The following GRID2 variants were observed in gnomAD, a reference collection of about 807,000 sequenced individuals.
GRID2 encodes the protein glutamate receptor ionotropic, delta-2.
In GRID2, 33 loss-of-function variants were observed where a neutral mutation model predicts 114.8. The observed-to-expected ratio is 0.29, with a 90% CI of 0.22 to 0.38. The LOEUF (loss-of-function observed/expected upper bound fraction) is 0.38, where lower values mean the gene tolerates loss of function less well. Among genes scored for constraint, GRID2 ranks in the 10% least tolerant of loss-of-function variants. The pLI, the probability that GRID2 is intolerant of heterozygous loss-of-function variation, is 1.00. For missense variants in GRID2, 1,184 were observed against 1,257.7 expected (o/e 0.94, Z 0.89); for synonymous variants, 505 against 449.9 (o/e 1.12, Z -1.55).
chr4:92,318,549 CTG>C (rs1320999570), intron 1 of GRID2, among the ~76,000 whole-genome samples: 1 of 121,000 alleles, frequency 8.3e-6, no homozygotes, highest in Non-Finnish European at 1.6e-5. Context: ...GAGTCTCACT[CTG>C]TCACCCAGGC....
At chr4:93,329,373 C>T (rs78801750) in intron 8 of GRID2, among the ~76,000 whole-genome samples, 1,865 of 152,180 alleles carry the variant, frequency 0.012, 35 homozygotes, top group African/African-American at 0.043. Flanking sequence ...TCATTGCATG[C>T]TGGCATTTCC....
In GRID2 at chr4:92,699,056, C is replaced by T. The variant is rs549133664; in HGVS notation, c.244+108770C>T. Among the ~76,000 whole-genome samples, 3 of 151,972 alleles carry T rather than the reference C, an allele frequency of 2.0e-5. No individual in the cohort carries two copies. The South Asian group carries it at 6.2e-4, about 32-fold the overall frequency. On this transcript the variant is annotated intron_variant, in intron 2 of 15. Coordinates refer to ENST00000282020, the MANE Select transcript of GRID2 (RefSeq NM_001510.4). ...TTTTCTATTACTGTTTTATTATAGC[C>T]TCAAAGCACTTTATAAATAAGAAAA...
At chr4:92,676,567 A>G (rs1733383272) in intron 2 of GRID2, among the ~76,000 whole-genome samples, 1 of 152,020 alleles carries the variant, frequency 6.6e-6, no homozygotes, top group Admixed American at 6.6e-5. Context: ...CTTGAAGTTC[A>G]CTGTTGATTC....
At chr4:92,941,161 A>G (rs1560724709) in intron 2 of GRID2, among the ~76,000 whole-genome samples, 1 of 152,020 alleles carries the variant, frequency 6.6e-6, no homozygotes, top group Non-Finnish European at 1.5e-5. Context: ...TCCTCCTTGT[A>G]CCTCTGGTAG....
At chr4:92,459,044 G>C (rs1445122933) in intron 1 of GRID2, among the ~76,000 whole-genome samples, 4 of 151,980 alleles carry the variant, frequency 2.6e-5, no homozygotes, top group East Asian at 3.9e-4. Context: ...TTAAGCAAAT[G>C]CCTGATGAAA....
In GRID2 at chr4:93,216,781, T is replaced by C. The variant is rs1364463557; in HGVS notation, c.833T>C (p.Ile278Thr). The change falls in exon 6 of 16, where the codon ATT becomes ACT. Residue 278 changes from isoleucine (I) to threonine (T), a missense_variant. Ile to Thr is a moderately conservative substitution (Grantham distance 89, BLOSUM62 -1). Coordinates refer to ENST00000282020, the MANE Select transcript of GRID2 (RefSeq NM_001510.4). Reference sequence around the variant, plus strand: ...GTACAGGAACTTGTAAGAAGGTCAATTGGAAGGTTAACGATTATTCGGCAG... The same window carrying C: ...GTACAGGAACTTGTAAGAAGGTCAACTGGAAGGTTAACGATTATTCGGCAG... ...VDVQELVRRSIGRLTIIRQTF... is the reference protein window; with the variant it reads ...VDVQELVRRSTGRLTIIRQTF... The C allele has an allele frequency of 6.2e-7, 1 of 1,612,406 alleles. No homozygotes were observed. Among genetic ancestry groups the C allele is most frequent in the Non-Finnish European group, 8.5e-7 (1 of 1,178,680 alleles).
intron 1 of GRID2, among the ~76,000 whole-genome samples, chr4:92,407,724 T>C (rs558751193): frequency 6.6e-6 from 1 of 152,224 alleles, no homozygotes; most frequent in East Asian, 1.9e-4. Context: ...GTTGCTTGTA[T>C]GTTTTCTTTT....
chr4:93,134,909 G>T lies in GRID2; in HGVS notation c.735+23956G>T, dbSNP rs994741605. 2.0e-5 allele frequency among the ~76,000 whole-genome samples: 3 copies of T among 151,986 alleles called. No individual in the cohort carries two copies. The East Asian group carries it at 5.8e-4, about 29-fold the overall frequency. The stretch of plus-strand genomic sequence containing the variant: ...CTCGCTGTTTGGCGTATTGAAACTT[G>T]CCTATTAAATTACCCTTTACTGAGT... On this transcript the variant is annotated intron_variant, in intron 4 of 15. Coordinates refer to ENST00000282020, the MANE Select transcript of GRID2 (RefSeq NM_001510.4).
chr4:92,387,270 G>T (rs1730008551), intron 1 of GRID2, among the ~76,000 whole-genome samples: 1 of 151,898 alleles, frequency 6.6e-6, no homozygotes, highest in Non-Finnish European at 1.5e-5. Flanking sequence ...AAAAATTTCA[G>T]TGGTAAATTC....
chr4:92,918,246 A>T (rs995981012), intron 2 of GRID2, among the ~76,000 whole-genome samples: 1 of 152,090 alleles, frequency 6.6e-6, no homozygotes, highest in Non-Finnish European at 1.5e-5. Context: ...TTAAGGATAT[A>T]TTGGGCTGAG....
At chr4:93,448,533 CAAAG>C (rs1722311216) in intron 10 of GRID2, among the ~76,000 whole-genome samples, 1 of 151,828 alleles carries the variant, frequency 6.6e-6, no homozygotes, top group South Asian at 2.1e-4. Flanking sequence ...TGATTGGCCT[CAAAG>C]AAAACACTAT....
chr4:93,589,670 CA>C (rs1183074696), intron 13 of GRID2, among the ~76,000 whole-genome samples: 1 of 151,696 alleles, frequency 6.6e-6, no homozygotes, highest in Non-Finnish European at 1.5e-5. Context: ...GTCCCACCAA[CA>C]GTGTAAAAGT....
intron 14 of GRID2, among the ~76,000 whole-genome samples, chr4:93,646,075 AT>A (rs1269031587): frequency 4.6e-5 from 7 of 152,184 alleles, no homozygotes; most frequent in African/African-American, 9.6e-5. Context: ...TCTTTGATTT[AT>A]CTAGAGATAA....
intron 10 of GRID2, among the ~76,000 whole-genome samples, chr4:93,445,987 A>C (rs1292974762): frequency 6.6e-6 from 1 of 152,038 alleles, no homozygotes; most frequent in Non-Finnish European, 1.5e-5. Context: ...GGCAGATTTC[A>C]AAAAAGCACA....
chr4:92,350,419 T>A (rs1728008392), intron 1 of GRID2, among the ~76,000 whole-genome samples: 1 of 151,850 alleles, frequency 6.6e-6, no homozygotes, highest in Non-Finnish European at 1.5e-5. Flanking sequence ...TTCACATTTT[T>A]AAAATCACTT....
At chr4:92,538,075 A>T (rs1003177698) in intron 1 of GRID2, among the ~76,000 whole-genome samples, 5 of 151,990 alleles carry the variant, frequency 3.3e-5, no homozygotes, top group Non-Finnish European at 4.4e-5. Context: ...TTCTGTATTT[A>T]TTAGTTACTT....
At chr4:93,463,885 A>C (rs1724005870) in intron 11 of GRID2, among the ~76,000 whole-genome samples, 1 of 152,092 alleles carries the variant, frequency 6.6e-6, no homozygotes, top group South Asian at 2.1e-4. Context: ...GCTACTCGGG[A>C]GGCTGAGGCA....
intron 2 of GRID2, among the ~76,000 whole-genome samples, chr4:93,029,383 A>G (rs1724179082): frequency 6.6e-6 from 1 of 152,108 alleles, no homozygotes; most frequent in Admixed American, 6.6e-5. Flanking sequence ...GAATTTGAAG[A>G]CATATCGATC....
intron 1 of GRID2, among the ~76,000 whole-genome samples, chr4:92,476,718 G>A (rs138779765): frequency 2.5e-4 from 38 of 152,126 alleles, no homozygotes; most frequent in Admixed American, 6.5e-4. Flanking sequence ...AGCATTTAAA[G>A]CTGTATTCTA....
Sources: gnomAD v4.1 joint callset for allele counts (sites outside exome capture counted in the v4.1 genomes callset) on GRCh38, gnomAD v4.1.1 for gene constraint, MANE v1.5 for transcripts, NCBI Gene and HGNC (gene_info 2026-07-23, HGNC 2026-07-21) for gene names.